CREBBP: variants seen among roughly 807,000 people sequenced by gnomAD.
CREBBP encodes the protein CREB binding lysine acetyltransferase, also known as CREB-binding protein.
In CREBBP, 19 loss-of-function variants were observed where a neutral mutation model predicts 265.0. The observed-to-expected ratio is 0.07, with a 90% CI of 0.05 to 0.11. The LOEUF is 0.11. CREBBP is among the 10% of genes least tolerant of loss of function. The pLI is 1.00. For synonymous variants in CREBBP, 1,457 were observed against 1,223.7 expected (o/e 1.19, Z -3.98); for missense variants, 2,525 against 3,219.0 (o/e 0.78, Z 5.22).
chr16:3,736,308 G>C, intron 27 of CREBBP, 105 bp from the exon 28 acceptor site: 1 of 1,212,562 alleles, frequency 8.2e-7, no homozygotes, highest in African/African-American at 1.5e-5. Flanking sequence ...TGGTGTGGCA[G>C]AGTCCCATGC....
At chr16:3,763,048 A>G (rs1175432483) in intron 16 of CREBBP, among the ~76,000 whole-genome samples, 3 of 152,036 alleles carry the variant, frequency 2.0e-5, no homozygotes, top group Non-Finnish European at 4.4e-5. Context: ...TGCTGTGATT[A>G]TAGGGGTGAG....
At chr16:3,744,013 T>C (rs58109550) in intron 23 of CREBBP, among the ~76,000 whole-genome samples, 33,112 of 151,432 alleles carry the variant, frequency 0.22, 4,269 homozygotes, top group African/African-American at 0.34. Flanking sequence ...GAGGTGGAGG[T>C]TGCAGTGAGC....
chr16:3,750,125 T>C (rs2052439856), intron 20 of CREBBP, among the ~76,000 whole-genome samples: 2 of 152,140 alleles, frequency 1.3e-5, no homozygotes, highest in Non-Finnish European at 2.9e-5. Flanking sequence ...ACCCCGGTTC[T>C]GAGTAGCTGG....
intron 16 of CREBBP, among the ~76,000 whole-genome samples, chr16:3,765,907 A>G (rs1441588382): frequency 6.6e-6 from 1 of 151,964 alleles, no homozygotes; most frequent in Non-Finnish European, 1.5e-5. Context: ...GCAATCATAG[A>G]CCCTGAATTC....
At chr16:3,760,772 G>A (rs375937877) in intron 16 of CREBBP, among the ~76,000 whole-genome samples, 19 of 152,210 alleles carry the variant, frequency 1.2e-4, no homozygotes, top group African/African-American at 4.3e-4. Flanking sequence ...GGAGGGCAAT[G>A]TAGTGGCGCC....
At chr16:3,879,234 GCACACA>G (rs77377127) in intron 1 of CREBBP, among the ~76,000 whole-genome samples, 26 of 150,838 alleles carry the variant, frequency 1.7e-4, no homozygotes, top group South Asian at 1.5e-3. Flanking sequence ...ACACACGCGC[GCACACA>G]CACACACACA....
At chr16:3,788,182 C>G (rs1022768845) in intron 5 of CREBBP, among the ~76,000 whole-genome samples, 2 of 152,234 alleles carry the variant, frequency 1.3e-5, no homozygotes, top group Non-Finnish European at 2.9e-5. Flanking sequence ...GGTTGGAAAA[C>G]CCCTGGTCTC....
chr16:3,810,876 T>C (rs2053926320), intron 2 of CREBBP, 97 bp from the exon 3 acceptor site: 4 of 1,236,008 alleles, frequency 3.2e-6, no homozygotes, highest in East Asian at 2.3e-5. Flanking sequence ...GAAATACTCA[T>C]TGCAATGATA....
intron 19 of CREBBP, among the ~76,000 whole-genome samples, chr16:3,756,655 T>C (rs2052593180): frequency 6.6e-6 from 1 of 152,180 alleles, no homozygotes; most frequent in Non-Finnish European, 1.5e-5. Context: ...GTGTAAAATT[T>C]AAAAATAAAG....
At position 3,727,532 on chromosome 16, in the gene CREBBP, G is replaced by C; in HGVS notation, c.*186C>G. The C allele has an allele frequency of 6.5e-6, 2 of 308,196 alleles. No homozygotes were observed. Among genetic ancestry groups the C allele is most frequent in the Non-Finnish European group, 9.3e-6 (2 of 214,728 alleles). The allele number at this position is 308,196 out of a possible 1,614,324, so 19.1% of individuals were successfully genotyped here. The stretch of plus-strand genomic sequence containing the variant: ...AAAAAAAAACCAAAGAGAGAGACCA[G>C]ATATTTAAATCAACTGGTTTTTAAC... On this transcript the variant is annotated 3_prime_UTR_variant, in exon 31 of 31. Coordinates refer to ENST00000262367, the MANE Select transcript of CREBBP (RefSeq NM_004380.3).
intron 24 of CREBBP, 107 bp downstream of exon 24, chr16:3,740,290 CAA>C (rs2052170743): frequency 1.4e-6 from 2 of 1,401,568 alleles, no homozygotes; most frequent in Admixed American, 3.4e-5. Context: ...TTCGCTGCTG[CAA>C]AGTCTTGGAA....
rs1222081557 is a variant in CREBBP, at chr16:3,731,457, T to G, written c.4907A>C (p.His1636Pro). ...EKHKEVFFVI[H>P]LHAGPVINTL... ...GTTGATGACAGGCCCAGCGTGCAGG[T>G]GGATCACGAAGAAGACCTGCAGGAG... The change falls in exon 30 of 31, where the codon CAC (histidine) becomes CCC (proline). Residue 1636 changes from histidine to proline, a missense_variant. Physicochemically the swap from His to Pro is moderately conservative, Grantham distance 77 (BLOSUM62 -2). Around this residue, in one of 19 missense-constraint regions of CREBBP, gnomAD observed 93 missense variants for 161.5 expected, o/e 0.58. Coordinates refer to ENST00000262367, the MANE Select transcript of CREBBP (RefSeq NM_004380.3). The surrounding 1 kb of genome is among the most constrained non-coding windows in gnomAD (Gnocchi z 7.7). The G allele has an allele frequency of 6.3e-7, 1 of 1,590,994 alleles. No homozygotes were observed. Among genetic ancestry groups the G allele is most frequent in the African/African-American group, 1.3e-5 (1 of 74,794 alleles).
chr16:3,843,822 C>T (rs894107878), intron 2 of CREBBP, among the ~76,000 whole-genome samples: 1 of 151,950 alleles, frequency 6.6e-6, no homozygotes, highest in African/African-American at 2.4e-5. Flanking sequence ...TAGATAATTC[C>T]AAATCGATTT....
intron 1 of CREBBP, among the ~76,000 whole-genome samples, chr16:3,864,473 G>C (rs1308190243): frequency 6.6e-6 from 1 of 151,560 alleles, no homozygotes. Context: ...AGCGAAACCC[G>C]GTCTCTACAA....
chr16:3,834,279 C>T (rs1203054456), intron 2 of CREBBP, among the ~76,000 whole-genome samples: 2 of 152,172 alleles, frequency 1.3e-5, no homozygotes, highest in African/African-American at 2.4e-5. Flanking sequence ...TTACCCAAAA[C>T]AGGTAAAAAC....
intron 21 of CREBBP, among the ~76,000 whole-genome samples, chr16:3,749,093 G>A (rs1184349161): frequency 6.6e-6 from 1 of 152,224 alleles, no homozygotes; most frequent in Non-Finnish European, 1.5e-5. Context: ...CCTGCAGTGA[G>A]CCGAGATCGT....
chr16:3,774,667 A>G lies in CREBBP; in HGVS notation c.2185T>C (p.Leu729=). 4 of 1,614,210 alleles carry G rather than the reference A, an allele frequency of 2.5e-6. No individual in the cohort carries two copies. The highest frequency in any genetic ancestry group is 1.7e-5 in the Admixed American group (1 of 60,022). The change falls in exon 12 of 31, where the codon TTG becomes CTG. Residue 729 remains leucine, a synonymous_variant. Transcript: ENST00000262367. ...QGMNSFNPMS[L]GNVQLPQAPM... ...GCTTGTGGCAACTGGACGTTCCCCAAGGACATGGGGTTAAATGAATTCATC... is the reference window on the plus strand; with the variant it reads ...GCTTGTGGCAACTGGACGTTCCCCAGGGACATGGGGTTAAATGAATTCATC...
intron 1 of CREBBP, among the ~76,000 whole-genome samples, chr16:3,877,437 C>G (rs561339413): frequency 7.2e-4 from 109 of 152,364 alleles, no homozygotes; most frequent in African/African-American, 2.5e-3. Flanking sequence ...GCGTCTCACT[C>G]CATTACCCAG....
At chr16:3,733,115 C>A (rs1175159947) in intron 28 of CREBBP, among the ~76,000 whole-genome samples, 2 of 152,038 alleles carry the variant, frequency 1.3e-5, no homozygotes, top group Non-Finnish European at 2.9e-5. Context: ...GTAATCCCAG[C>A]ACTTTGGAAG....
Sources: gnomAD v4.1 joint callset for allele counts (sites outside exome capture counted in the v4.1 genomes callset) on GRCh38, gnomAD v4.1.1 for gene constraint, gnomAD v4.1.1 regional missense constraint, Gnocchi (gnomAD v3.1) non-coding constraint, MANE v1.5 for transcripts, NCBI Gene and HGNC (gene_info 2026-07-23, HGNC 2026-07-21) for gene names.